RCAN1: variants seen among roughly 807,000 people sequenced by gnomAD.
RCAN1 encodes the protein regulator of calcineurin 1.
Under a neutral mutation model 22.9 loss-of-function variants are expected in RCAN1, and 11 were observed. That is an observed-to-expected ratio of 0.48 (90% CI 0.30 to 0.79). RCAN1 has a LOEUF of 0.79. Ranked by LOEUF, RCAN1 falls within the 30% of genes least tolerant of loss-of-function variation. The probability of loss-of-function intolerance (pLI) is 0.06; values close to 1 mark genes in which losing one functional copy is unlikely to be tolerated. For missense variants in RCAN1, 291 were observed against 337.8 expected, an observed-to-expected ratio of 0.86 and a Z score of 1.09; for synonymous variants, 136 against 142.3, an observed-to-expected ratio of 0.96 and a Z score of 0.32.
intron 1 of RCAN1, among the ~76,000 whole-genome samples, chr21:34,601,686 T>G (rs539408119): frequency 6.6e-6 from 1 of 151,660 alleles, no homozygotes; most frequent in Non-Finnish European, 1.5e-5. Flanking sequence ...GGCGTGGTGG[T>G]GGGCGCCTGT....
At chr21:34,533,360 A>T (rs528449521) in intron 1 of RCAN1, among the ~76,000 whole-genome samples, 1 of 152,252 alleles carries the variant, frequency 6.6e-6, no homozygotes, top group East Asian at 1.9e-4. Context: ...TCATTTTTTT[A>T]AACCATTTTT....
intron 1 of RCAN1, among the ~76,000 whole-genome samples, chr21:34,532,139 C>T (rs1985425059): frequency 6.6e-6 from 1 of 151,966 alleles, no homozygotes; most frequent in Admixed American, 6.6e-5. Context: ...GCTAAGCTGA[C>T]CTAATAGGAT....
chr21:34,578,290 G>A (rs771168738), intron 1 of RCAN1, among the ~76,000 whole-genome samples: 85 of 152,186 alleles, frequency 5.6e-4, no homozygotes, highest in Non-Finnish European at 1.0e-3. Flanking sequence ...ACATCATAAC[G>A]CCCTCCATAT....
Position 34,521,537 on chromosome 21 carries a change from T to C in RCAN1, c.548A>G (p.Asn183Ser), listed in dbSNP as rs772392829. The C allele has an allele frequency of 2.5e-6, 4 of 1,614,202 alleles. No homozygotes were observed. In the Admixed American group the frequency reaches 6.7e-5, roughly 27 times the overall value. ...GGAGATGGCATATAAGAGATCATAG[T>C]TTATGACTGGGGTCGCATCTTCCAC... is the stretch of plus-strand genomic sequence containing the variant. ...KQVEDATPVI[N>S]YDLLYAISKL... is the part of the protein sequence containing the mutation. Residue 183 changes from asparagine to serine, a missense_variant, in exon 3 of 4, where the codon AAC becomes AGC. Coordinates refer to ENST00000313806, the MANE Select transcript of RCAN1 (RefSeq NM_004414.7).
chr21:34,589,952 T>C (rs1342721975), intron 1 of RCAN1, among the ~76,000 whole-genome samples: 3 of 152,236 alleles, frequency 2.0e-5, no homozygotes, highest in African/African-American at 7.2e-5. Flanking sequence ...TCTACCGCTA[T>C]GTCTATCCTA....
chr21:34,589,147 A>G (rs1483418728), intron 1 of RCAN1, among the ~76,000 whole-genome samples: 2 of 152,242 alleles, frequency 1.3e-5, no homozygotes, highest in African/African-American at 4.8e-5. Flanking sequence ...TAAAGATGGT[A>G]AATTTTAAGT....
intron 1 of RCAN1, among the ~76,000 whole-genome samples, chr21:34,554,564 T>C (rs896811644): frequency 6.6e-6 from 1 of 152,146 alleles, no homozygotes; most frequent in Non-Finnish European, 1.5e-5. Context: ...ACATGCGTCT[T>C]GGTGTACAGC....
At position 34,537,774 on chromosome 21, in the gene RCAN1, T is replaced by C. The variant is rs76073952; in HGVS notation, c.253-14064A>G. Among the ~76,000 whole-genome samples, 1,230 of 152,314 alleles carry C rather than the reference T, an allele frequency of 8.1e-3. 19 individuals carry two copies. The highest frequency in any genetic ancestry group is 0.028 in the African/African-American group (1,160 of 41,574). On this transcript the variant is annotated intron_variant, in intron 1 of 3. Coordinates refer to ENST00000313806, the MANE Select transcript of RCAN1 (RefSeq NM_004414.7). The stretch of plus-strand genomic sequence containing the variant: ...GCTCAAGCTGTTCTATGCCTAACAA[T>C]TTACACCGAATTATACATGGAGAGG...
chr21:34,531,276 C>G (rs1197168049), intron 1 of RCAN1, among the ~76,000 whole-genome samples: 1 of 152,216 alleles, frequency 6.6e-6, no homozygotes, highest in Non-Finnish European at 1.5e-5. Context: ...AGAGCCGGAA[C>G]TCACTCTGGG....
In RCAN1 at chr21:34,521,612, T is replaced by C; in HGVS notation, c.473A>G (p.Lys158Arg). The change falls in exon 3 of 4, where the codon AAG (lysine) becomes AGG (arginine). Residue 158 changes from lysine (K) to arginine (R), a missense_variant. Physicochemically the swap from Lys to Arg is conservative, Grantham distance 26 (BLOSUM62 2). Coordinates refer to ENST00000313806, the MANE Select transcript of RCAN1 (RefSeq NM_004414.7). Reference sequence around the variant, plus strand: ...GGCGGGAGGGGAGATCAGAAACTGCTTGTCTGGATTTGGCGGAGCCAGGTG... The same window carrying C: ...GGCGGGAGGGGAGATCAGAAACTGCCTGTCTGGATTTGGCGGAGCCAGGTG... Reference protein sequence around the residue: ...SSHLAPPNPDKQFLISPPASP... With the variant: ...SSHLAPPNPDRQFLISPPASP... 6.2e-7 allele frequency: 1 copy of C among 1,614,018 alleles called. No homozygotes were observed. Among genetic ancestry groups the C allele is most frequent in the Non-Finnish European group, 8.5e-7 (1 of 1,179,948 alleles).
Position 34,614,896 on chromosome 21 carries a change from GC to G in RCAN1, c.115del (p.Ala39ArgfsTer73), listed in dbSNP as rs1211319333. On this transcript the variant is annotated frameshift_variant, in exon 1 of 4. Coordinates refer to ENST00000313806, the MANE Select transcript of RCAN1 (RefSeq NM_004414.7). LOFTEE classifies it high-confidence loss of function. This position sits in a 1 kb window ranked among gnomAD's most constrained non-coding sequence, Gnocchi z 6.0. The part of the protein sequence containing the change: ...TLRPFAPLSG[A>X]AEADEGGGDW... The stretch of plus-strand genomic sequence containing the variant: ...GCCGCCGCCCTCGTCCGCCTCGGCC[GC>G]CCCCGAGAGGGGCGCGAAGGGCCGC... The G allele has an allele frequency of 2.1e-6, 3 of 1,434,202 alleles. No homozygotes were observed. The highest frequency in any genetic ancestry group is 3.3e-5 in the East Asian group (1 of 30,402). The allele number at this position is 1,434,202 out of a possible 1,614,324, so 88.8% of individuals were successfully genotyped here. A position where few individuals can be genotyped will look rare whatever the true frequency, so the allele number is the denominator to read the frequency against.
chr21:34,559,852 T>C (rs1307412221), intron 1 of RCAN1: 1 of 152,204 alleles, frequency 6.6e-6, no homozygotes, highest in Non-Finnish European at 1.5e-5. Context: ...TTCACATTCC[T>C]GCCCTGTGAT....
intron 1 of RCAN1, among the ~76,000 whole-genome samples, chr21:34,533,757 T>C (rs911611804): frequency 1.6e-4 from 24 of 152,250 alleles, no homozygotes; most frequent in African/African-American, 5.5e-4. Context: ...GGAAAAGTGG[T>C]GAAAGCAAGC....
At chr21:34,524,840 G>C (rs927583893) in intron 1 of RCAN1, among the ~76,000 whole-genome samples, 6 of 151,844 alleles carry the variant, frequency 4.0e-5, no homozygotes, top group African/African-American at 1.5e-4. Context: ...CCTGGAGTGT[G>C]GCTGTCGGTG....
intron 1 of RCAN1, chr21:34,527,025 T>C: frequency 8.4e-7 from 1 of 1,183,834 alleles, no homozygotes; most frequent in South Asian, 2.2e-5. Flanking sequence ...ATTTTCCCTA[T>C]GCTAATTAAC....
At chr21:34,521,184 G>A in intron 3 of RCAN1, 1 of 1,360,020 alleles carries the variant, frequency 7.4e-7, no homozygotes, top group South Asian at 2.0e-5. Context: ...CAGAACCTGG[G>A]GCCGGGGCTC....
chr21:34,614,410 G>C lies in RCAN1; in HGVS notation c.252+350C>G. The C allele has an allele frequency of 1.0e-6, 1 of 999,558 alleles. No individual in the cohort carries two copies. Among genetic ancestry groups the C allele is most frequent in the South Asian group, 4.7e-5 (1 of 21,424 alleles). The allele number at this position is 999,558 out of a possible 1,614,324, so 61.9% of individuals were successfully genotyped here. On this transcript the variant is annotated intron_variant, in intron 1 of 3. Transcript: ENST00000313806. The surrounding 1 kb of genome is among the most constrained non-coding windows in gnomAD (Gnocchi z 6.0). Reference sequence around the variant, plus strand: ...AGGAATGAGGTGACCCCCTCCTCCAGCGAGTAAATGCGGGGCGATGGCGAG... The same window carrying C: ...AGGAATGAGGTGACCCCCTCCTCCACCGAGTAAATGCGGGGCGATGGCGAG...
chr21:34,594,635 C>T (rs1275905316), intron 1 of RCAN1, among the ~76,000 whole-genome samples: 3 of 152,160 alleles, frequency 2.0e-5, no homozygotes, highest in African/African-American at 7.2e-5. Context: ...CAGTTACTTG[C>T]ATTTGACAGT....
At chr21:34,553,300 C>T (rs1036375152) in intron 1 of RCAN1, among the ~76,000 whole-genome samples, 1 of 152,024 alleles carries the variant, frequency 6.6e-6, no homozygotes, top group African/African-American at 2.4e-5. Context: ...ACTGAAAGGG[C>T]TTTGGTGCTT....
Sources: gnomAD v4.1 joint callset for allele counts (sites outside exome capture counted in the v4.1 genomes callset) on GRCh38, gnomAD v4.1.1 for gene constraint, Gnocchi (gnomAD v3.1) non-coding constraint, MANE v1.5 for transcripts, NCBI Gene and HGNC (gene_info 2026-07-23, HGNC 2026-07-21) for gene names.